Variants in EVI5 observed in about 807,000 individuals in gnomAD.
EVI5 encodes ecotropic viral integration site 5 protein homolog.
A neutral mutation model predicts 112.0 loss-of-function variants in EVI5; 73 were observed. That is an observed-to-expected ratio of 0.65 (90% CI 0.54 to 0.79). The LOEUF is 0.79. Among genes scored for constraint, EVI5 ranks in the 30% least tolerant of loss-of-function variants. The pLI, the probability that EVI5 is intolerant of heterozygous loss-of-function variation, is 0.00. For synonymous variants in EVI5, 305 were observed against 319.9 expected (o/e 0.95, Z 0.50); for missense variants, 900 against 968.8 (o/e 0.93, Z 0.94).
At chr1:92,759,424 T>C (rs1236692963) in intron 1 of EVI5, among the ~76,000 whole-genome samples, 2 of 152,206 alleles carry the variant, frequency 1.3e-5, no homozygotes, top group South Asian at 4.1e-4. Flanking sequence ...AACTGTGAAC[T>C]AGCTACAAGT....
intron 18 of EVI5, among the ~76,000 whole-genome samples, chr1:92,566,957 C>A (rs1205983277): frequency 1.3e-5 from 2 of 152,116 alleles, no homozygotes; most frequent in East Asian, 3.9e-4. Context: ...CAGACGCACA[C>A]CACCATGCCT....
chr1:92,735,763 T>C (rs1379659670), intron 2 of EVI5, among the ~76,000 whole-genome samples: 1 of 144,154 alleles, frequency 6.9e-6, no homozygotes, highest in East Asian at 2.0e-4. Flanking sequence ...TATAATATGA[T>C]ATATGTTATA....
intron 2 of EVI5, among the ~76,000 whole-genome samples, chr1:92,710,811 T>C (rs1234796164): frequency 6.6e-6 from 1 of 152,018 alleles, no homozygotes; most frequent in Non-Finnish European, 1.5e-5. Context: ...ATCGAGAGTC[T>C]AGGAGTGGTT....
intron 5 of EVI5, among the ~76,000 whole-genome samples, chr1:92,699,729 T>C (rs1056820834): frequency 6.6e-6 from 1 of 152,212 alleles, no homozygotes; most frequent in Non-Finnish European, 1.5e-5. Context: ...AACTGTAACA[T>C]GATGGCACAT....
chr1:92,631,122 C>CACAAA (rs1179258264), intron 14 of EVI5, among the ~76,000 whole-genome samples: 5 of 152,012 alleles, frequency 3.3e-5, no homozygotes, highest in Admixed American at 6.5e-5. Flanking sequence ...GTGATGCCTC[C>CACAAA]AGCTTTGTTC....
intron 13 of EVI5, chr1:92,647,553 G>T: frequency 1.9e-6 from 1 of 539,640 alleles, no homozygotes; most frequent in Non-Finnish European, 3.5e-6. Flanking sequence ...AGACCTCTGG[G>T]TTTCTCTTAT....
intron 10 of EVI5, among the ~76,000 whole-genome samples, chr1:92,676,604 G>A (rs898832700): frequency 2.0e-5 from 3 of 152,104 alleles, no homozygotes; most frequent in African/African-American, 7.2e-5. Flanking sequence ...TATGGAGGGG[G>A]GTACAAATTT....
intron 18 of EVI5, among the ~76,000 whole-genome samples, chr1:92,582,007 G>C (rs545204060): frequency 6.6e-6 from 1 of 152,312 alleles, no homozygotes; most frequent in Admixed American, 6.5e-5. Flanking sequence ...GATACATTCT[G>C]AGAAATGTGT....
chr1:92,596,060 A>G (rs1021039859), intron 18 of EVI5, among the ~76,000 whole-genome samples: 3 of 152,194 alleles, frequency 2.0e-5, no homozygotes, highest in East Asian at 1.9e-4. Context: ...TAAAATGAAG[A>G]TATTAACAAT....
chr1:92,635,254 A>T (rs998558573), intron 14 of EVI5, among the ~76,000 whole-genome samples: 1 of 152,122 alleles, frequency 6.6e-6, no homozygotes, highest in Non-Finnish European at 1.5e-5. Context: ...CTGACTTTTG[A>T]TTCGCTATGC....
At chr1:92,652,446 T>C (rs1453465571) in intron 13 of EVI5, among the ~76,000 whole-genome samples, 3 of 152,200 alleles carry the variant, frequency 2.0e-5, no homozygotes, top group Non-Finnish European at 4.4e-5. Context: ...ATTATAAATG[T>C]ACTTAATGAC....
intron 14 of EVI5, among the ~76,000 whole-genome samples, chr1:92,630,034 A>G (rs1371166421): frequency 6.6e-6 from 1 of 152,130 alleles, no homozygotes; most frequent in Non-Finnish European, 1.5e-5. Context: ...TCCATGGTGT[A>G]TATGTGCCAC....
At chr1:92,579,437 A>T (rs1217353158) in intron 18 of EVI5, among the ~76,000 whole-genome samples, 1 of 152,224 alleles carries the variant, frequency 6.6e-6, no homozygotes, top group South Asian at 2.1e-4. Context: ...ACCAAGGTAC[A>T]AAAAATAAAA....
chr1:92,590,402 A>G (rs1483031310), intron 18 of EVI5, among the ~76,000 whole-genome samples: 1 of 152,230 alleles, frequency 6.6e-6, no homozygotes. Flanking sequence ...AGAATAACCA[A>G]TGCAGAGAAG....
intron 2 of EVI5, among the ~76,000 whole-genome samples, chr1:92,707,179 C>CAAA (rs1299441165): frequency 5.7e-4 from 15 of 26,516 alleles, no homozygotes; most frequent in East Asian, 2.0e-3. Flanking sequence ...AACTCTGTCT[C>CAAA]AAAAAAAAAA....
intron 18 of EVI5, among the ~76,000 whole-genome samples, chr1:92,586,399 A>C (rs1487376056): frequency 1.3e-5 from 2 of 152,298 alleles, no homozygotes; most frequent in East Asian, 3.9e-4. Context: ...CATTTAAATC[A>C]ATATAGGCTC....
At chr1:92,771,600 T>C (rs986149795) in intron 1 of EVI5, among the ~76,000 whole-genome samples, 3 of 73,914 alleles carry the variant, frequency 4.1e-5, no homozygotes, top group Non-Finnish European at 7.4e-5. Context: ...ATATATCAAT[T>C]TTCTTTTCTT....
chr1:92,674,104 T>A (rs1050885473), intron 10 of EVI5, among the ~76,000 whole-genome samples: 4 of 152,200 alleles, frequency 2.6e-5, no homozygotes, highest in African/African-American at 9.6e-5. Context: ...CCCATTCTCT[T>A]GTAAAAGAGA....
intron 13 of EVI5, among the ~76,000 whole-genome samples, chr1:92,659,467 A>G (rs1663593077): frequency 6.6e-6 from 1 of 152,216 alleles, no homozygotes; most frequent in South Asian, 2.1e-4. Context: ...AAAAGAAGAC[A>G]TACAAATGGC....
Sources: allele counts gnomAD v4.1 joint callset (sites outside exome capture counted in the v4.1 genomes callset), GRCh38; gene constraint gnomAD v4.1.1; transcripts MANE v1.5; gene names NCBI Gene and HGNC (gene_info 2026-07-23, HGNC 2026-07-21).